Variants in PCDH11X observed in about 807,000 individuals in gnomAD.
PCDH11X encodes the protein protocadherin 11 X-linked.
PCDH11X carries 18 observed loss-of-function variants against 53.3 expected under a neutral mutation model. The ratio of observed to expected loss-of-function variants is 0.34; its 90% CI spans 0.23 to 0.50. The LOEUF (loss-of-function observed/expected upper bound fraction) is 0.50, where lower values mean the gene tolerates loss of function less well. Among genes scored for constraint, PCDH11X ranks in the 20% least tolerant of loss-of-function variants. The probability of loss-of-function intolerance (pLI) is 0.98; values close to 1 mark genes in which losing one functional copy is unlikely to be tolerated. For synonymous variants in PCDH11X, 279 were observed against 393.3 expected (o/e 0.71, Z 3.44); for missense variants, 570 against 1,032.4 (o/e 0.55, Z 6.14).
At chrX:92,020,371 G>A (rs937719962) in intron 6 of PCDH11X, among the ~76,000 whole-genome samples, 9 of 112,025 alleles carry the variant, frequency 8.0e-5, no homozygotes, top group Non-Finnish European at 1.7e-4. Flanking sequence ...CAGGGAGGCT[G>A]GATGGCTTGG....
At chrX:91,921,829 A>C (rs1290264558) in intron 6 of PCDH11X, among the ~76,000 whole-genome samples, 1 of 110,578 alleles carries the variant, frequency 9.0e-6, no homozygotes, top group Non-Finnish European at 1.9e-5. Context: ...ATACTAAGGA[A>C]TGTGATTGCT....
intron 9 of PCDH11X, among the ~76,000 whole-genome samples, chrX:92,461,110 G>T (rs1339020578): frequency 9.3e-6 from 1 of 107,535 alleles, no homozygotes; most frequent in African/African-American, 3.4e-5. Context: ...TCATAGATTT[G>T]AAAAATCTAT....
chrX:92,406,836 A>G (rs2071529203), intron 9 of PCDH11X, among the ~76,000 whole-genome samples: 1 of 106,840 alleles, frequency 9.4e-6, no homozygotes, highest in Non-Finnish European at 1.9e-5. Context: ...CTGAGGCAAG[A>G]GAATTGCTTG....
At chrX:92,097,727 A>T (rs2064164886) in intron 6 of PCDH11X, among the ~76,000 whole-genome samples, 1 of 110,516 alleles carries the variant, frequency 9.0e-6, no homozygotes, top group Non-Finnish European at 1.9e-5. Flanking sequence ...ATGTATATTT[A>T]TATTCAGTCC....
At chrX:92,339,733 C>G (rs1331370159) in intron 8 of PCDH11X, among the ~76,000 whole-genome samples, 1 of 108,265 alleles carries the variant, frequency 9.2e-6, no homozygotes, top group Non-Finnish European at 1.9e-5. Context: ...ATCCAGTCAC[C>G]TCCCACCAGG....
At chrX:92,342,151 G>A (rs1452112480) in intron 8 of PCDH11X, among the ~76,000 whole-genome samples, 1 of 111,755 alleles carries the variant, frequency 8.9e-6, no homozygotes, top group African/African-American at 3.3e-5. Context: ...CATCTCACAA[G>A]AGTCAGTATA....
intron 8 of PCDH11X, among the ~76,000 whole-genome samples, chrX:92,338,029 G>T (rs965033480): frequency 4.5e-5 from 5 of 111,150 alleles, no homozygotes; most frequent in African/African-American, 1.6e-4. Context: ...GTAGTGAGAG[G>T]GTTGGGGGGG....
intron 10 of PCDH11X, among the ~76,000 whole-genome samples, chrX:92,491,372 T>C (rs1253729302): frequency 3.6e-5 from 4 of 111,054 alleles, no homozygotes; most frequent in Non-Finnish European, 3.8e-5. Flanking sequence ...TGTATAGTCC[T>C]AACAGCTTTA....
intron 6 of PCDH11X, among the ~76,000 whole-genome samples, chrX:91,906,885 C>T (rs1242317024): frequency 9.0e-6 from 1 of 110,610 alleles, no homozygotes; most frequent in Non-Finnish European, 1.9e-5. Flanking sequence ...TGTGAAATTC[C>T]TTTTTAAATA....
At chrX:92,230,525 A>T (rs962511106) in intron 7 of PCDH11X, among the ~76,000 whole-genome samples, 6 of 94,156 alleles carry the variant, frequency 6.4e-5, no homozygotes, top group Non-Finnish European at 1.2e-4. Context: ...AATATATATA[A>T]AATACATATA....
At chrX:92,151,197 A>C (rs2065427411) in intron 6 of PCDH11X, among the ~76,000 whole-genome samples, 1 of 108,308 alleles carries the variant, frequency 9.2e-6, no homozygotes, top group Non-Finnish European at 1.9e-5. Flanking sequence ...TTATCTATTT[A>C]TTTATTTATT....
intron 6 of PCDH11X, chrX:91,880,008 A>G (rs1409137910): frequency 1.3e-5 from 9 of 684,406 alleles, no homozygotes; most frequent in Non-Finnish European, 1.5e-5. Context: ...TTAAAAGATA[A>G]TAACTTTTGG....
chrX:92,396,027 A>C (rs937037490), intron 9 of PCDH11X, among the ~76,000 whole-genome samples: 1 of 107,241 alleles, frequency 9.3e-6, no homozygotes, highest in African/African-American at 3.4e-5. Context: ...TTCTAAAATT[A>C]CTGTTTGTGC....
chrX:92,017,916 T>C (rs771774205), intron 6 of PCDH11X, among the ~76,000 whole-genome samples: 1 of 97,778 alleles, frequency 1.0e-5, no homozygotes, highest in Admixed American at 1.1e-4. Flanking sequence ...TGAAGCACAA[T>C]AAAATGAGCT....
intron 6 of PCDH11X, among the ~76,000 whole-genome samples, chrX:92,037,035 A>G (rs935497437): frequency 9.0e-6 from 1 of 111,709 alleles, no homozygotes; most frequent in African/African-American, 3.3e-5. Context: ...GAAGAGATTT[A>G]TTTTATTTTA....
At chrX:92,032,546 C>G (rs756455203) in intron 6 of PCDH11X, among the ~76,000 whole-genome samples, 1 of 110,908 alleles carries the variant, frequency 9.0e-6, no homozygotes, top group South Asian at 3.8e-4. Flanking sequence ...AGTGGGTATC[C>G]TTGTCGTGTT....
At chrX:92,267,574 C>T (rs1401241451) in intron 8 of PCDH11X, among the ~76,000 whole-genome samples, 3 of 112,016 alleles carry the variant, frequency 2.7e-5, no homozygotes, top group Non-Finnish European at 5.6e-5. Context: ...ACCCATTTTG[C>T]TGGTGTCTCC....
At chrX:92,032,612 G>A (rs1475733190) in intron 6 of PCDH11X, among the ~76,000 whole-genome samples, 1 of 110,898 alleles carries the variant, frequency 9.0e-6, no homozygotes, top group African/African-American at 3.3e-5. Flanking sequence ...GATACTCAAT[G>A]TGGGCCTGTT....
intron 6 of PCDH11X, among the ~76,000 whole-genome samples, chrX:91,963,946 T>C (rs898749356): frequency 1.4e-4 from 15 of 110,083 alleles, no homozygotes; most frequent in Non-Finnish European, 2.5e-4. Flanking sequence ...AAGAACAACA[T>C]GAGGGTAACC....
Sources: gnomAD v4.1 joint callset for allele counts (sites outside exome capture counted in the v4.1 genomes callset) on GRCh38, gnomAD v4.1.1 for gene constraint, MANE v1.5 for transcripts, NCBI Gene and HGNC (gene_info 2026-07-23, HGNC 2026-07-21) for gene names.